Variants in ENKUR observed in about 807,000 individuals in gnomAD.
The protein encoded by ENKUR is enkurin, TRPC channel interacting protein, also known as enkurin.
A neutral mutation model predicts 27.6 loss-of-function variants in ENKUR; 19 were observed. That is an observed-to-expected ratio of 0.69 (90% confidence interval 0.48 to 1.01). The LOEUF (loss-of-function observed/expected upper bound fraction) is 1.01. Among genes scored for constraint, ENKUR ranks in the 50% least tolerant of loss-of-function variants. The pLI, the probability that ENKUR is intolerant of heterozygous loss-of-function variation, is 0.00. For synonymous variants in ENKUR, 117 were observed against 96.9 expected (o/e 1.21, Z -1.22); for missense variants, 312 against 310.5 (o/e 1.00, Z -0.04).
upstream of ENKUR, among the ~76,000 whole-genome samples, chr10:25,016,475 T>G (rs935332311): frequency 9.9e-5 from 15 of 152,284 alleles, no homozygotes; most frequent in African/African-American, 3.1e-4. Flanking sequence ...AGCGAGCGGC[T>G]GAGACCACGA....
Position 24,986,315 on chromosome 10 carries a change from G to A in ENKUR, c.595-1410C>T, listed in dbSNP as rs187730297. 6.6e-5 allele frequency among the ~76,000 whole-genome samples: 10 copies of A among 152,328 alleles called. No individual in the cohort carries two copies. In the East Asian group the frequency reaches 1.9e-3, roughly 29 times the overall value. ...ACAGGTCAGGGCACACTGTATAGAA[G>A]AGGTTGGTTGGGGAAAAGGGCAACA... On this transcript the variant is annotated intron_variant, in intron 4 of 5. Coordinates refer to ENST00000331161, the MANE Select transcript of ENKUR (RefSeq NM_145010.4).
Position 25,059,262 on chromosome 10 carries a change from G to T in ENKUR, c.37+1850C>A, listed in dbSNP as rs541306498. On this transcript the variant is annotated intron_variant, in intron 2 of 5. Transcript: ENST00000615958. ...ATTCTCTTGCCTCAGCCTCCAAGTA[G>T]CTGGGATTACAGGTGCCCGCCACCA... 4.2e-4 allele frequency among the ~76,000 whole-genome samples: 64 copies of T among 150,640 alleles called. 1 individual carries two copies. The highest frequency in any genetic ancestry group is 1.6e-3 in the African/African-American group (64 of 41,060).
At chr10:25,012,962 G>A (rs1000300998) in intron 1 of ENKUR, among the ~76,000 whole-genome samples, 7 of 152,174 alleles carry the variant, frequency 4.6e-5, no homozygotes, top group Non-Finnish European at 8.8e-5. Context: ...TGTCATGGGA[G>A]GGATCTGGTG....
At chr10:24,988,316 G>GTATATATATTTATATATGTGTA (rs1301420165) in intron 4 of ENKUR, among the ~76,000 whole-genome samples, 22 of 141,098 alleles carry the variant, frequency 1.6e-4, no homozygotes, top group African/African-American at 5.0e-4. Flanking sequence ...TTATATGTGT[G>GTATATATATTTATATATGTGTA]TATATATATT....
intron 2 of ENKUR, among the ~76,000 whole-genome samples, chr10:25,048,717 T>TCCCA (rs1851149269): frequency 6.6e-6 from 1 of 152,060 alleles, no homozygotes; most frequent in Non-Finnish European, 1.5e-5. Flanking sequence ...GCAAAGGGTG[T>TCCCA]GCTCAGGCTG....
chr10:25,044,289 G>A (rs1283310254), intron 2 of ENKUR, among the ~76,000 whole-genome samples: 1 of 152,124 alleles, frequency 6.6e-6, no homozygotes, highest in Non-Finnish European at 1.5e-5. Context: ...GGCTTTATTA[G>A]GGTAGGTATA....
At chr10:25,052,577 G>A (rs1034264701) in intron 2 of ENKUR, among the ~76,000 whole-genome samples, 2 of 151,988 alleles carry the variant, frequency 1.3e-5, no homozygotes, top group Non-Finnish European at 2.9e-5. Context: ...GACCAGCCTG[G>A]GAAACACAGT....
upstream of ENKUR, among the ~76,000 whole-genome samples, chr10:25,019,055 GGTCAGAA>G (rs1850668388): frequency 6.6e-6 from 1 of 152,162 alleles, no homozygotes; most frequent in Non-Finnish European, 1.5e-5. Context: ...GAGAATTTTT[GGTCAGAA>G]GTCAGAAGCA....
intron 2 of ENKUR, among the ~76,000 whole-genome samples, chr10:25,029,938 G>A (rs1850915372): frequency 6.6e-6 from 1 of 152,200 alleles, no homozygotes; most frequent in African/African-American, 2.4e-5. Context: ...GGATGCTGTA[G>A]TCACATTAGC....
At chr10:24,990,662 T>A (rs886766435) in intron 3 of ENKUR, 53 bp from the exon 4 acceptor site, 1 of 1,491,282 alleles carries the variant, frequency 6.7e-7, no homozygotes, top group African/African-American at 1.4e-5. Context: ...CAATCTTACA[T>A]ATGGGTACGT....
At chr10:25,061,136 G>A (rs1448252672) in exon 2 of ENKUR, 48 of 1,535,882 alleles carry the variant, frequency 3.1e-5, no homozygotes, top group East Asian at 7.3e-5. Context: ...CCAGTCACCC[G>A]CTCTGTCTTC....
At position 25,027,356 on chromosome 10, in the gene ENKUR, TCAAAAAA is replaced by T. The variant is rs1371603704; in HGVS notation, c.38-31494_38-31488del. Among the ~76,000 whole-genome samples the T allele has an allele frequency of 8.3e-4, 38 of 45,736 alleles. 4 individuals carry two copies. The highest frequency in any genetic ancestry group is 5.7e-3 in the South Asian group (7 of 1,234). 30.0% of individuals were successfully genotyped at this position (45,736 alleles called of 152,430 possible). On this transcript the variant is annotated intron_variant, in intron 2 of 5. Coordinates refer to the ENKUR transcript ENST00000615958. The stretch of plus-strand genomic sequence containing the variant: ...TGGGTGACAGAGCAAGACTCCCGTC[TCAAAAAA>T]AAAAAAAAAAAAAAAAAAAAAAAAC...
rs757314440 is a variant in ENKUR at position 24,996,456 on chromosome 10, G to GTGTATATA, written c.224-588_224-587insTATATACA. On this transcript the variant is annotated intron_variant, in intron 2 of 5. Transcript: ENST00000331161. ...CATATATGTGTGTGTGTGTGTGTGT[G>GTGTATATA]TATATATATATATATGAACAGTATA... Among the ~76,000 whole-genome samples, 271 of 149,800 alleles carry GTGTATATA rather than the reference G, an allele frequency of 1.8e-3. 4 individuals carry two copies. The highest frequency in any genetic ancestry group is 6.2e-3 in the African/African-American group (251 of 40,694).
intron 2 of ENKUR, chr10:25,024,088 G>T: frequency 1.2e-6 from 2 of 1,614,178 alleles, no homozygotes; most frequent in Non-Finnish European, 1.7e-6. Context: ...AGCAACCTAC[G>T]TAGAAAGAGC....
chr10:25,050,502 G>A (rs1294911523), intron 2 of ENKUR, among the ~76,000 whole-genome samples: 1 of 152,116 alleles, frequency 6.6e-6, no homozygotes, highest in African/African-American at 2.4e-5. Flanking sequence ...TAGATTTCGT[G>A]AGACGTATTC....
chr10:25,008,469 G>T (rs1753850143), intron 1 of ENKUR, among the ~76,000 whole-genome samples: 1 of 152,146 alleles, frequency 6.6e-6, no homozygotes, highest in African/African-American at 2.4e-5. Flanking sequence ...TTTAAACAAA[G>T]AGATGTTATA....
Position 24,983,029 on chromosome 10 carries a change from A to G in ENKUR, c.*1341T>C, listed in dbSNP as rs1849703205. On this transcript the variant is annotated 3_prime_UTR_variant, in exon 6 of 6. Coordinates refer to ENST00000331161, the MANE Select transcript of ENKUR (RefSeq NM_145010.4). ...GAGTATGTATAGCAATCATTTCACA[A>G]ATAAAATACTTACCTAAACATCTCA... 6.6e-6 allele frequency: 1 copy of G among 152,210 alleles called. No individual in the cohort carries two copies. Among genetic ancestry groups the G allele is most frequent in the Non-Finnish European group, 1.5e-5 (1 of 68,048 alleles). 9.4% of individuals were successfully genotyped at this position (152,210 alleles called of 1,614,324 possible).
At chr10:25,045,344 G>T (rs1161055725) in intron 2 of ENKUR, among the ~76,000 whole-genome samples, 1 of 152,104 alleles carries the variant, frequency 6.6e-6, no homozygotes, top group Non-Finnish European at 1.5e-5. Context: ...TTGAGGGTCA[G>T]ATTTCTATTC....
chr10:25,054,534 T>TCTTTCTTTCTTTCTTTC (rs1564358766), intron 2 of ENKUR, among the ~76,000 whole-genome samples: 22 of 140,496 alleles, frequency 1.6e-4, no homozygotes, highest in African/African-American at 5.7e-4. Flanking sequence ...TTCTTTCCTT[T>TCTTTCTTTCTTTCTTTC]CTTTCTTTCT....
Sources: allele counts gnomAD v4.1 joint callset (sites outside exome capture counted in the v4.1 genomes callset), GRCh38; gene constraint gnomAD v4.1.1; transcripts MANE v1.5; gene names NCBI Gene and HGNC (gene_info 2026-07-23, HGNC 2026-07-21).